Variants in NALF1 observed in about 807,000 individuals in gnomAD.
NALF1 encodes the protein family with sequence similarity 155 member A.
A neutral mutation model predicts 48.4 loss-of-function variants in NALF1; 3 were observed. The ratio of observed to expected loss-of-function variants is 0.06; its 90% CI spans 0.03 to 0.16. The LOEUF is 0.16. NALF1 is among the 10% of genes least tolerant of loss of function. The pLI, the probability that NALF1 is intolerant of heterozygous loss-of-function variation, is 1.00. For synonymous variants in NALF1, 262 were observed against 245.7 expected, an observed-to-expected ratio of 1.07 and a Z score of -0.62; for missense variants, 526 against 571.5, an observed-to-expected ratio of 0.92 and a Z score of 0.81.
intron 1 of NALF1, among the ~76,000 whole-genome samples, chr13:107,700,411 A>C (rs979332470): frequency 1.3e-5 from 2 of 149,740 alleles, no homozygotes; most frequent in African/African-American, 4.9e-5. Context: ...TAGTTTATTA[A>C]GTAAATGATG....
At chr13:107,437,569 G>C (rs1282136644) in intron 1 of NALF1, among the ~76,000 whole-genome samples, 1 of 152,144 alleles carries the variant, frequency 6.6e-6, no homozygotes, top group Admixed American at 6.6e-5. Context: ...TAAAAAGGAA[G>C]CAGCTACGGA....
At chr13:107,630,368 T>C (rs955442108) in intron 1 of NALF1, among the ~76,000 whole-genome samples, 1 of 152,092 alleles carries the variant, frequency 6.6e-6, no homozygotes, top group Non-Finnish European at 1.5e-5. Context: ...TTCTGAACTA[T>C]TTTTTCTCCC....
intron 1 of NALF1, among the ~76,000 whole-genome samples, chr13:107,297,365 T>C (rs1364969483): frequency 2.6e-5 from 4 of 152,222 alleles, no homozygotes; most frequent in Admixed American, 1.3e-4. Flanking sequence ...AGTAAAATCA[T>C]TGAGATCTTG....
chr13:107,606,924 C>T (rs1028684992), intron 1 of NALF1, among the ~76,000 whole-genome samples: 1 of 152,156 alleles, frequency 6.6e-6, no homozygotes, highest in Non-Finnish European at 1.5e-5. Context: ...TTTAACATTG[C>T]TAACATTATC....
At chr13:107,498,487 T>C (rs1312821939) in intron 1 of NALF1, among the ~76,000 whole-genome samples, 1 of 152,162 alleles carries the variant, frequency 6.6e-6, no homozygotes, top group African/African-American at 2.4e-5. Flanking sequence ...TTTTGGAGGT[T>C]AAGCAAGTTT....
intron 2 of NALF1, among the ~76,000 whole-genome samples, chr13:107,200,631 G>A (rs188412686): frequency 4.6e-5 from 7 of 152,284 alleles, no homozygotes; most frequent in East Asian, 3.9e-4. Flanking sequence ...ATAACAGATG[G>A]CTAGGAATAA....
At chr13:107,284,759 C>T (rs993830818) in intron 1 of NALF1, among the ~76,000 whole-genome samples, 4 of 151,186 alleles carry the variant, frequency 2.6e-5, no homozygotes, top group Non-Finnish European at 2.9e-5. Flanking sequence ...ACAGAGAAGA[C>T]GTCATGTGGG....
chr13:107,177,497 A>G (rs563762304), intron 2 of NALF1, among the ~76,000 whole-genome samples: 1 of 152,352 alleles, frequency 6.6e-6, no homozygotes, highest in East Asian at 1.9e-4. Context: ...TTCAAATTGT[A>G]CTGCAGAGGT....
intron 1 of NALF1, among the ~76,000 whole-genome samples, chr13:107,740,181 T>C (rs953150912): frequency 4.6e-5 from 7 of 152,270 alleles, no homozygotes; most frequent in African/African-American, 1.7e-4. Flanking sequence ...ACTCAATATA[T>C]ACATTGCACA....
intron 1 of NALF1, among the ~76,000 whole-genome samples, chr13:107,557,974 T>C (rs1005459643): frequency 2.6e-5 from 4 of 152,184 alleles, no homozygotes; most frequent in Non-Finnish European, 1.5e-5. Flanking sequence ...TGTGTCACTG[T>C]TGTGCTGATT....
chr13:107,200,563 T>C (rs1215551637), intron 2 of NALF1, among the ~76,000 whole-genome samples: 1 of 152,176 alleles, frequency 6.6e-6, no homozygotes, highest in Admixed American at 6.5e-5. Context: ...TACAGTAAAA[T>C]TCATAAGCTG....
At chr13:107,654,132 C>T (rs1880516972) in intron 1 of NALF1, among the ~76,000 whole-genome samples, 1 of 151,648 alleles carries the variant, frequency 6.6e-6, no homozygotes, top group Non-Finnish European at 1.5e-5. Flanking sequence ...ATTGACAGAC[C>T]ATTAGTGAGA....
At chr13:107,763,154 C>A (rs1183191913) in intron 1 of NALF1, among the ~76,000 whole-genome samples, 2 of 151,466 alleles carry the variant, frequency 1.3e-5, no homozygotes, top group African/African-American at 2.4e-5. Context: ...TTTGTAAAAT[C>A]TTTTAAAGTA....
intron 1 of NALF1, among the ~76,000 whole-genome samples, chr13:107,734,314 T>C (rs1226493462): frequency 6.6e-6 from 1 of 151,992 alleles, no homozygotes; most frequent in Non-Finnish European, 1.5e-5. Flanking sequence ...CAATGAATTC[T>C]ACAATGTAAC....
At chr13:107,700,990 T>G (rs546530035) in intron 1 of NALF1, among the ~76,000 whole-genome samples, 1 of 152,206 alleles carries the variant, frequency 6.6e-6, no homozygotes, top group East Asian at 1.9e-4. Context: ...ATAATAAAAG[T>G]TGGTGAGTGT....
intron 1 of NALF1, among the ~76,000 whole-genome samples, chr13:107,613,690 T>A (rs1013996418): frequency 6.6e-6 from 1 of 152,226 alleles, no homozygotes; most frequent in Admixed American, 6.5e-5. Context: ...TTAATCCAGT[T>A]ACTGCATCAA....
intron 1 of NALF1, among the ~76,000 whole-genome samples, chr13:107,606,448 C>T (rs1879072896): frequency 6.6e-6 from 1 of 151,950 alleles, no homozygotes; most frequent in Non-Finnish European, 1.5e-5. Flanking sequence ...TCACTGCAAC[C>T]TCTGCCTCCA....
intron 1 of NALF1, among the ~76,000 whole-genome samples, chr13:107,473,369 A>G (rs1178228228): frequency 6.6e-6 from 1 of 152,194 alleles, no homozygotes; most frequent in Non-Finnish European, 1.5e-5. Context: ...TAATTTCAGT[A>G]AGCTCCTTAG....
chr13:107,277,875 G>T (rs1367663895), intron 1 of NALF1, among the ~76,000 whole-genome samples: 2 of 152,174 alleles, frequency 1.3e-5, no homozygotes, highest in Non-Finnish European at 2.9e-5. Flanking sequence ...CCAGACACTG[G>T]GTAAGTGCTT....
Sources: gnomAD v4.1 joint callset for allele counts (sites outside exome capture counted in the v4.1 genomes callset) on GRCh38, gnomAD v4.1.1 for gene constraint, MANE v1.5 for transcripts, NCBI Gene and HGNC (gene_info 2026-07-23, HGNC 2026-07-21) for gene names.